The following MSRA variants were observed in gnomAD, a reference collection of about 807,000 sequenced individuals.
MSRA encodes the protein mitochondrial peptide methionine sulfoxide reductase.
A neutral mutation model predicts 31.3 loss-of-function variants in MSRA; 54 were observed. The observed-to-expected ratio is 1.73, with a 90% CI of 1.39 to 2.17. MSRA has a LOEUF of 2.17. MSRA is among the 30% of genes most tolerant of loss of function. MSRA has a pLI of 0.00. For synonymous variants in MSRA, 169 were observed against 116.5 expected (o/e 1.45, Z -2.90); for missense variants, 507 against 300.9 (o/e 1.69, Z -5.07).
intron 5 of MSRA, among the ~76,000 whole-genome samples, chr8:10,417,557 C>G (rs547025041): frequency 7.5e-4 from 114 of 152,278 alleles, no homozygotes; most frequent in African/African-American, 2.7e-3. Context: ...CTCTGCACCA[C>G]TCAGCCAGAG....
chr8:10,199,506 G>C (rs1808308913), intron 1 of MSRA, among the ~76,000 whole-genome samples: 1 of 152,144 alleles, frequency 6.6e-6, no homozygotes, highest in African/African-American at 2.4e-5. Flanking sequence ...TTTTAGTAGA[G>C]ATGGCGTTTC....
rs143456278 is a variant in MSRA at position 10,175,235 on chromosome 8, G to A, written c.143-32598G>A. On this transcript the variant is annotated intron_variant, in intron 1 of 5. Transcript: ENST00000317173. The stretch of plus-strand genomic sequence containing the variant: ...CCCTGAAACCTTCCCAGCCTGTCTC[G>A]GTCATTCCATTGTTTTATTTGACTT... 1.5e-3 allele frequency among the ~76,000 whole-genome samples: 232 copies of A among 152,166 alleles called. 1 individual carries two copies. The highest frequency in any genetic ancestry group is 5.2e-3 in the African/African-American group (217 of 41,508).
At chr8:10,329,504 C>T (rs958639930) in intron 5 of MSRA, among the ~76,000 whole-genome samples, 5 of 152,214 alleles carry the variant, frequency 3.3e-5, no homozygotes, top group Non-Finnish European at 7.3e-5. Context: ...AGAATACTCC[C>T]GCATCTCAAC....
At chr8:10,424,449 A>C (rs183958670) in intron 5 of MSRA, among the ~76,000 whole-genome samples, 1 of 136,572 alleles carries the variant, frequency 7.3e-6, no homozygotes, top group Middle Eastern at 3.9e-3. Flanking sequence ...TGGAGCAGGA[A>C]TGGGGAGAAG....
intron 5 of MSRA, among the ~76,000 whole-genome samples, chr8:10,396,949 A>G (rs1441115195): frequency 6.6e-6 from 1 of 152,210 alleles, no homozygotes; most frequent in Non-Finnish European, 1.5e-5. Context: ...GTCGGCTTCC[A>G]AACCGTGAAC....
At chr8:10,305,005 T>G (rs1222017570) in intron 4 of MSRA, among the ~76,000 whole-genome samples, 2 of 152,212 alleles carry the variant, frequency 1.3e-5, no homozygotes, top group East Asian at 3.9e-4. Context: ...CATTGACATT[T>G]GATGTGAAGA....
intron 4 of MSRA, among the ~76,000 whole-genome samples, chr8:10,302,762 G>C (rs569234182): frequency 6.6e-6 from 1 of 152,308 alleles, no homozygotes; most frequent in South Asian, 2.1e-4. Flanking sequence ...GAAGGAGGCC[G>C]GGGGCACGAT....
chr8:10,302,879 T>C (rs1800922894), intron 4 of MSRA, among the ~76,000 whole-genome samples: 1 of 152,170 alleles, frequency 6.6e-6, no homozygotes, highest in South Asian at 2.1e-4. Flanking sequence ...AAGAACACTC[T>C]AATCAGAAGG....
At chr8:10,108,349 G>C (rs1195257050) in intron 1 of MSRA, among the ~76,000 whole-genome samples, 1 of 152,124 alleles carries the variant, frequency 6.6e-6, no homozygotes, top group East Asian at 1.9e-4. Flanking sequence ...CATTAGGTGG[G>C]AGGTACCACC....
intron 2 of MSRA, among the ~76,000 whole-genome samples, chr8:10,212,733 G>A (rs1809616658): frequency 6.6e-6 from 1 of 152,142 alleles, no homozygotes; most frequent in African/African-American, 2.4e-5. Flanking sequence ...TATTCAGATG[G>A]TAGAGTGGTC....
intron 2 of MSRA, among the ~76,000 whole-genome samples, chr8:10,220,294 A>C (rs1226079373): frequency 6.6e-6 from 1 of 152,214 alleles, no homozygotes; most frequent in Non-Finnish European, 1.5e-5. Flanking sequence ...GTGCCTGCAG[A>C]TGGATGTCTT....
chr8:10,183,937 G>A (rs1453439444), intron 1 of MSRA, among the ~76,000 whole-genome samples: 2 of 148,742 alleles, frequency 1.3e-5, no homozygotes, highest in Non-Finnish European at 3.0e-5. Flanking sequence ...CTTGGTGGTG[G>A]TGCTGCTGCT....
intron 1 of MSRA, among the ~76,000 whole-genome samples, chr8:10,175,060 A>G (rs1805927949): frequency 1.3e-5 from 2 of 152,220 alleles, no homozygotes; most frequent in East Asian, 1.9e-4. Flanking sequence ...ATGATTCACC[A>G]TCCACATTTC....
chr8:10,188,297 GATTTGTGT>G (rs1282891173), intron 1 of MSRA, among the ~76,000 whole-genome samples: 4 of 152,108 alleles, frequency 2.6e-5, no homozygotes, highest in Admixed American at 6.5e-5. Context: ...CACATTTGTG[GATTTGTGT>G]AACACAGATC....
rs190622710 is a variant in MSRA, at chr8:10,099,323, A to G, written c.142+44665A>G. Among the ~76,000 whole-genome samples the G allele has an allele frequency of 4.6e-4, 70 of 152,318 alleles. No individual in the cohort carries two copies. The East Asian group carries it at 7.1e-3, about 16-fold the overall frequency. On this transcript the variant is annotated intron_variant, in intron 1 of 5. Transcript: ENST00000317173. ...GATGAGGAGTGTCTCAGCCGTGGGT[A>G]TACACTGCTGAGGTCATTCAGCAGA...
intron 1 of MSRA, among the ~76,000 whole-genome samples, chr8:10,137,326 C>A (rs1401206693): frequency 6.6e-6 from 1 of 152,144 alleles, no homozygotes; most frequent in African/African-American, 2.4e-5. Flanking sequence ...GACTTAGGAA[C>A]GTCTTGGTGC....
chr8:10,422,084 C>G (rs1490589420), intron 5 of MSRA, among the ~76,000 whole-genome samples: 1 of 152,134 alleles, frequency 6.6e-6, no homozygotes, highest in African/African-American at 2.4e-5. Flanking sequence ...AATTTGAGAC[C>G]AGCGTGGACA....
At chr8:10,291,040 A>G (rs1476259338) in intron 3 of MSRA, among the ~76,000 whole-genome samples, 5 of 152,194 alleles carry the variant, frequency 3.3e-5, no homozygotes, top group Non-Finnish European at 7.3e-5. Context: ...AGCAGGTTGG[A>G]TACAGAAACT....
rs561316441 is a variant in MSRA at position 10,063,375 on chromosome 8, G to A, written c.142+8717G>A. Among the ~76,000 whole-genome samples the A allele has an allele frequency of 8.5e-5, 13 of 152,322 alleles. No homozygotes were observed. The South Asian group carries it at 2.1e-3, about 24-fold the overall frequency. On this transcript the variant is annotated intron_variant, in intron 1 of 5. Coordinates refer to ENST00000317173, the MANE Select transcript of MSRA (RefSeq NM_012331.5). Reference sequence around the variant, plus strand: ...CTCTCACTGTTTAGGGAACAGCAGCGACTTGGACCTGTCCAATGACACTCT... The same window carrying A: ...CTCTCACTGTTTAGGGAACAGCAGCAACTTGGACCTGTCCAATGACACTCT...
Sources: allele counts gnomAD v4.1 joint callset (sites outside exome capture counted in the v4.1 genomes callset), GRCh38; gene constraint gnomAD v4.1.1; transcripts MANE v1.5; gene names NCBI Gene and HGNC (gene_info 2026-07-23, HGNC 2026-07-21).